GP6: variants seen among roughly 807,000 people sequenced by gnomAD.
GP6 encodes platelet glycoprotein VI.
In GP6, 45 loss-of-function variants were observed where a neutral mutation model predicts 37.3. The observed-to-expected ratio is 1.21, with a 90% CI of 0.95 to 1.55. The LOEUF is 1.55. Among genes scored for constraint, GP6 ranks in the 40% most tolerant of loss-of-function variants. The probability of loss-of-function intolerance (pLI) is 0.00; values close to 1 mark genes in which losing one functional copy is unlikely to be tolerated. For missense variants in GP6, 813 were observed against 760.2 expected (o/e 1.07, Z -0.82); for synonymous variants, 340 against 316.4 (o/e 1.07, Z -0.79).
Position 55,015,095 on chromosome 19 carries a change from GATT to G in GP6, c.847_849del (p.Asn283del), listed in dbSNP as rs2073819378. 6.3e-7 allele frequency: 1 copy of G among 1,595,156 alleles called. No individual in the cohort carries two copies. The highest frequency in any genetic ancestry group is 8.5e-7 in the Non-Finnish European group (1 of 1,171,216). ...AGTCCTCTGCCAGAAACCCCGCCAGGATTATTAGGATCACAGCCCCGAGGCATA... is the reference window on the plus strand; with the variant it reads ...AGTCCTCTGCCAGAAACCCCGCCAGGATTAGGATCACAGCCCCGAGGCATA... On this transcript the variant is annotated inframe_deletion, in exon 8 of 8. Transcript: ENST00000310373.
chr19:55,038,163 T>C (rs1275013549), intron 1 of GP6, 40 bp downstream of exon 1: 1 of 1,517,088 alleles, frequency 6.6e-7, no homozygotes, highest in Admixed American at 1.9e-5. Context: ...AGTCCATGCC[T>C]GTCCTTCAGC....
chr19:55,018,560 A>G (rs902930046), intron 6 of GP6, 92 bp downstream of exon 6: 8 of 819,394 alleles, frequency 9.8e-6, no homozygotes, highest in Non-Finnish European at 1.8e-5. Context: ...CAGTTCGGTG[A>G]AGTGATTAAA....
intron 1 of GP6, among the ~76,000 whole-genome samples, chr19:55,034,383 C>T (rs1430803093): frequency 6.6e-6 from 1 of 151,806 alleles, no homozygotes; most frequent in Non-Finnish European, 1.5e-5. Flanking sequence ...GGTGAAACAC[C>T]ATCTCTACTA....
intron 2 of GP6, 44 bp from the exon 3 acceptor site, chr19:55,032,440 C>A: frequency 6.2e-7 from 1 of 1,612,272 alleles, no homozygotes; most frequent in Non-Finnish European, 8.5e-7. Flanking sequence ...GCAGACCCCG[C>A]CTGGACCCCG....
At chr19:55,018,523 C>A in intron 6 of GP6, 129 bp downstream of exon 6, 1 of 779,816 alleles carries the variant, frequency 1.3e-6, no homozygotes, top group Non-Finnish European at 2.4e-6. Context: ...TAGCCTCACA[C>A]CAAGGACTTT....
intron 5 of GP6, among the ~76,000 whole-genome samples, chr19:55,024,036 C>T (rs190106642): frequency 4.9e-4 from 74 of 152,294 alleles, no homozygotes; most frequent in African/African-American, 1.7e-3. Context: ...GTGATGGTGA[C>T]GCGAATCTAC....
Position 55,014,498 on chromosome 19 carries a change from A to C in GP6, c.1447T>G (p.Cys483Gly). The C allele has an allele frequency of 1.2e-6, 2 of 1,613,654 alleles. No individual in the cohort carries two copies. Among genetic ancestry groups the C allele is most frequent in the Non-Finnish European group, 1.7e-6 (2 of 1,179,494 alleles). ...TGAGAGTTTCTGGGGAAAACCAGAC[A>C]AGAGCACAGAGGGCCAAAGGGAAGC... The change falls in exon 8 of 8, where the codon TGT (cysteine) becomes GGT (glycine). Residue 483 changes from cysteine to glycine, a missense_variant. By Grantham distance (159) the Cys-to-Gly change is radical (BLOSUM62 -3). Transcript: ENST00000310373.
At position 55,014,495 on chromosome 19, in the gene GP6, G is replaced by C. The variant is rs1411899218; in HGVS notation, c.1450C>G (p.Leu484Val). 2 of 1,614,128 alleles carry C rather than the reference G, an allele frequency of 1.2e-6. No homozygotes were observed. Among genetic ancestry groups the C allele is most frequent in the Non-Finnish European group, 1.7e-6 (2 of 1,179,964 alleles). ...GGGTGAGAGTTTCTGGGGAAAACCA[G>C]ACAAGAGCACAGAGGGCCAAAGGGA... Residue 484 changes from leucine (L) to valine (V), a missense_variant, in exon 8 of 8, where the codon CTG becomes GTG. Physicochemically the swap from Leu to Val is conservative, Grantham distance 32. Coordinates refer to ENST00000310373, the MANE Select transcript of GP6 (RefSeq NM_001083899.2).
At chr19:55,033,956 A>G (rs1033835186) in intron 1 of GP6, among the ~76,000 whole-genome samples, 1 of 152,082 alleles carries the variant, frequency 6.6e-6, no homozygotes, top group African/African-American at 2.4e-5. Context: ...CTGAAGGAGG[A>G]TGGGGAAAGT....
chr19:55,022,111 T>C (rs8100773), intron 5 of GP6, among the ~76,000 whole-genome samples: 114,180 of 151,520 alleles, frequency 0.75, 43,969 homozygotes, highest in Middle Eastern at 0.84. Context: ...CTGTTCACTC[T>C]GATGATACTT....
intron 5 of GP6, among the ~76,000 whole-genome samples, chr19:55,024,381 G>A (rs904330553): frequency 7.7e-5 from 2 of 25,896 alleles, no homozygotes; most frequent in Non-Finnish European, 2.4e-4. Context: ...CACACAGTAT[G>A]TGACCATCTT....
rs533241802 is a variant in GP6 at position 55,015,163 on chromosome 19, G to C, written c.782C>G (p.Ser261Cys). 11 of 1,556,620 alleles carry C rather than the reference G, an allele frequency of 7.1e-6. No individual in the cohort carries two copies. Among genetic ancestry groups the C allele is most frequent in the African/African-American group, 1.4e-5 (1 of 73,514 alleles). Residue 261 changes from serine (S) to cysteine (C), a missense_variant and splice_region_variant, in exon 8 of 8, where the codon TCC becomes TGC. Physicochemically the swap from Ser to Cys is moderately radical, Grantham distance 112. Coordinates refer to ENST00000310373, the MANE Select transcript of GP6 (RefSeq NM_001083899.2). The stretch of plus-strand genomic sequence containing the variant: ...CCCTTGGTGTAGTACTGGCGGGCAG[G>C]ACCTGGAGGAATGAGGAGAGGCAGG...
At chr19:55,036,565 G>A (rs980091492) in intron 1 of GP6, among the ~76,000 whole-genome samples, 1 of 151,986 alleles carries the variant, frequency 6.6e-6, no homozygotes, top group African/African-American at 2.4e-5. Context: ...CAGGCATGAT[G>A]GTGTACAACT....
intron 6 of GP6, 110 bp from the exon 7 acceptor site, chr19:55,015,843 T>C: frequency 1.3e-6 from 1 of 742,920 alleles, no homozygotes; most frequent in Non-Finnish European, 2.5e-6. Flanking sequence ...CCACAGCATT[T>C]AAGAAAAGCA....
At chr19:55,038,100 T>A in intron 1 of GP6, 103 bp downstream of exon 1, 1 of 972,746 alleles carries the variant, frequency 1.0e-6, no homozygotes, top group Non-Finnish European at 1.6e-6. Flanking sequence ...CAGGTTCCTT[T>A]TTGTCCTGAA....
intron 5 of GP6, among the ~76,000 whole-genome samples, chr19:55,024,571 G>A (rs139652885): frequency 6.6e-6 from 1 of 152,312 alleles, no homozygotes; most frequent in African/African-American, 2.4e-5. Flanking sequence ...TTAAAGTGCA[G>A]GCCGTAGTCT....
chr19:55,015,636 A>G, intron 7 of GP6, 47 bp downstream of exon 7: 2 of 1,205,050 alleles, frequency 1.7e-6, no homozygotes. Flanking sequence ...GCTTTGGTGA[A>G]GAGACGGGTG....
intron 5 of GP6, among the ~76,000 whole-genome samples, chr19:55,021,670 G>A (rs1257194566): frequency 1.3e-4 from 19 of 151,838 alleles, no homozygotes; most frequent in African/African-American, 3.6e-4. Flanking sequence ...ACAGGCGCCC[G>A]CCACCACGCC....
At chr19:55,032,593 G>A in intron 1 of GP6, 55 bp from the exon 2 acceptor site, 1 of 1,584,360 alleles carries the variant, frequency 6.3e-7, no homozygotes, top group Non-Finnish European at 8.7e-7. Context: ...GGACATTCCT[G>A]CCTGCTGGGC....
Sources: gnomAD v4.1 joint callset for allele counts (sites outside exome capture counted in the v4.1 genomes callset) on GRCh38, gnomAD v4.1.1 for gene constraint, MANE v1.5 for transcripts, NCBI Gene and HGNC (gene_info 2026-07-23, HGNC 2026-07-21) for gene names.